Variants in ETV5 observed in about 807,000 individuals in gnomAD.
ETV5 encodes ETS translocation variant 5.
A neutral mutation model predicts 70.0 loss-of-function variants in ETV5; 10 were observed. The observed-to-expected ratio is 0.14, with a 90% CI of 0.09 to 0.24. The LOEUF (loss-of-function observed/expected upper bound fraction) is 0.24. Ranked by LOEUF, ETV5 falls within the 10% of genes least tolerant of loss-of-function variation. The pLI is 1.00. For missense variants in ETV5, 453 were observed against 651.2 expected (o/e 0.70, Z 3.31); for synonymous variants, 216 against 242.2 (o/e 0.89, Z 1.01).
intron 7 of ETV5, among the ~76,000 whole-genome samples, chr3:186,070,850 G>A (rs1011678717): frequency 6.6e-6 from 1 of 152,172 alleles, no homozygotes; most frequent in African/African-American, 2.4e-5. Flanking sequence ...GCACAGCCTG[G>A]TTCCTACCAA....
At chr3:186,069,509 T>G (rs1713544434) in intron 7 of ETV5, among the ~76,000 whole-genome samples, 1 of 150,518 alleles carries the variant, frequency 6.6e-6, no homozygotes. Flanking sequence ...TTGTTTTTTT[T>G]TTTTTTTTTT....
chr3:186,093,167 G>T (rs1714223135), intron 5 of ETV5, among the ~76,000 whole-genome samples: 2 of 152,114 alleles, frequency 1.3e-5, no homozygotes, highest in African/African-American at 4.8e-5. Context: ...GCAGACCCCA[G>T]AACAAAGCCC....
At position 186,052,896 on chromosome 3, in the gene ETV5, C is replaced by T. The variant is rs117156701; in HGVS notation, c.1210-765G>A. ...AGAGTTTACCCAATTATCACGGCAG[C>T]CAAGCAATTTCTGTTCTCAAGTATA... On this transcript the variant is annotated intron_variant, in intron 11 of 12. Transcript: ENST00000306376. This position sits in a 1 kb window ranked among gnomAD's most constrained non-coding sequence, Gnocchi z 4.5. Among the ~76,000 whole-genome samples the T allele has an allele frequency of 1.3e-3, 205 of 152,184 alleles. 3 individuals are homozygous for T. The East Asian group carries it at 0.032, about 24-fold the overall frequency.
Position 186,048,648 on chromosome 3 carries a change from A to G in ETV5, c.1524T>C (p.Phe508=). 6.2e-7 allele frequency: 1 copy of G among 1,614,130 alleles called. No individual in the cohort carries two copies. The highest frequency in any genetic ancestry group is 8.5e-7 in the Non-Finnish European group (1 of 1,179,978). Reference sequence around the variant, plus strand: ...TCCGCCACTCAGAAACTTAGTAAGCAAAGCCTTCGGCATAGGGGAGGCTGC... The same window carrying G: ...TCCGCCACTCAGAAACTTAGTAAGCGAAGCCTTCGGCATAGGGGAGGCTGC... ...RCSSLPYAEG[F]AY is the part of the protein sequence containing the mutation. The change falls in exon 13 of 13, where the codon TTT becomes TTC. Residue 508 remains phenylalanine, a synonymous_variant. Transcript: ENST00000306376.
chr3:186,080,955 GGTAA>G, intron 6 of ETV5, 87 bp downstream of exon 6: 1 of 1,458,038 alleles, frequency 6.9e-7, no homozygotes, highest in Non-Finnish European at 9.2e-7. Context: ...GGGTCTGCTG[GGTAA>G]GTAACACTGG....
At chr3:186,061,017 T>C (rs894666748) in intron 9 of ETV5, among the ~76,000 whole-genome samples, 5 of 152,204 alleles carry the variant, frequency 3.3e-5, no homozygotes, top group African/African-American at 7.2e-5. Context: ...TTTCCAGGGC[T>C]GGACACTTAC....
chr3:186,078,966 C>G lies in ETV5; in HGVS notation c.650+851G>C, dbSNP rs569333958. The stretch of plus-strand genomic sequence containing the variant: ...GGAAAGGTATACTCATATATTCTTC[C>G]CACTCCCGCCCCATTGTGGCCCCCA... On this transcript the variant is annotated intron_variant, in intron 7 of 12. Coordinates refer to ENST00000306376, the MANE Select transcript of ETV5 (RefSeq NM_004454.3). 136 of 744,158 alleles carry G rather than the reference C, an allele frequency of 1.8e-4. No individual in the cohort carries two copies. The African/African-American group carries it at 2.4e-3, about 13-fold the overall frequency. 46.1% of individuals were successfully genotyped at this position (744,158 alleles called of 1,614,324 possible).
In ETV5 at chr3:186,052,345, G is replaced by A. The variant is rs143116782; in HGVS notation, c.1210-214C>T. Among the ~76,000 whole-genome samples, 35 of 152,298 alleles carry A rather than the reference G, an allele frequency of 2.3e-4. No individual in the cohort carries two copies. In the East Asian group the frequency reaches 6.8e-3, roughly 29 times the overall value. On this transcript the variant is annotated intron_variant, in intron 11 of 12. Transcript: ENST00000306376. The surrounding 1 kb of genome is among the most constrained non-coding windows in gnomAD (Gnocchi z 4.5). ...CTACTAGGAGGTGAGACCTAGAGAT[G>A]GAAGAATCCTAGCACTTTAAGATTG... is the stretch of plus-strand genomic sequence containing the variant.
At chr3:186,086,685 G>A (rs1220268350) in intron 5 of ETV5, among the ~76,000 whole-genome samples, 2 of 152,074 alleles carry the variant, frequency 1.3e-5, no homozygotes, top group Non-Finnish European at 2.9e-5. Context: ...GCCAGGCATG[G>A]TGGCTCATGC....
At chr3:186,086,630 A>T (rs1451376318) in intron 5 of ETV5, among the ~76,000 whole-genome samples, 1 of 152,152 alleles carries the variant, frequency 6.6e-6, no homozygotes, top group Non-Finnish European at 1.5e-5. Context: ...ATCATCAAAT[A>T]GCTAGGAAAG....
Position 186,054,758 on chromosome 3 carries a change from G to A in ETV5, c.1209+2317C>T, listed in dbSNP as rs1713116687. On this transcript the variant is annotated intron_variant, in intron 11 of 12. Coordinates refer to ENST00000306376, the MANE Select transcript of ETV5 (RefSeq NM_004454.3). The surrounding 1 kb of genome is among the most constrained non-coding windows in gnomAD (Gnocchi z 4.4). Reference sequence around the variant, plus strand: ...TTCTTACAGCTTTTTCCAGAAGCTGGTATCTTCCTGACATTAACAAGAACA... The same window carrying A: ...TTCTTACAGCTTTTTCCAGAAGCTGATATCTTCCTGACATTAACAAGAACA... 6.6e-6 allele frequency among the ~76,000 whole-genome samples: 1 copy of A among 152,046 alleles called. No homozygotes were observed. Among genetic ancestry groups the A allele is most frequent in the Non-Finnish European group, 1.5e-5 (1 of 68,032 alleles).
intron 9 of ETV5, among the ~76,000 whole-genome samples, chr3:186,059,943 A>G (rs1352773525): frequency 1.3e-5 from 2 of 152,220 alleles, no homozygotes; most frequent in Non-Finnish European, 2.9e-5. Flanking sequence ...TTATTTTCCA[A>G]TTTGGCACTA....
chr3:186,053,856 C>T (rs1213198207), intron 11 of ETV5, among the ~76,000 whole-genome samples: 1 of 152,178 alleles, frequency 6.6e-6, no homozygotes, highest in East Asian at 1.9e-4. Context: ...CATCATTGTA[C>T]CCTGTTCAAA....
At chr3:186,060,916 C>CA (rs1247031751) in intron 9 of ETV5, among the ~76,000 whole-genome samples, 2 of 152,208 alleles carry the variant, frequency 1.3e-5, no homozygotes, top group Non-Finnish European at 2.9e-5. Flanking sequence ...CTGCTGCAGA[C>CA]ATCAACTGCT....
chr3:186,085,806 G>A (rs991009269), intron 5 of ETV5, among the ~76,000 whole-genome samples: 7 of 152,026 alleles, frequency 4.6e-5, no homozygotes, highest in South Asian at 4.2e-4. Context: ...CACCGTACCC[G>A]GCAGCCTTCA....
intron 7 of ETV5, among the ~76,000 whole-genome samples, chr3:186,068,343 A>T (rs1023297930): frequency 1.3e-5 from 2 of 152,354 alleles, no homozygotes; most frequent in African/African-American, 4.8e-5. Flanking sequence ...AGCAAAAATA[A>T]AAGTAGTAGT....
In ETV5 at chr3:186,046,602, A is replaced by G. The variant is rs1460413941; in HGVS notation, c.*2037T>C. On this transcript the variant is annotated 3_prime_UTR_variant, in exon 13 of 13. Coordinates refer to ENST00000306376, the MANE Select transcript of ETV5 (RefSeq NM_004454.3). Reference sequence around the variant, plus strand: ...TGACAGCACAGGTCACGTAAGTTACAGCAGGGGAGGGGTAGCTCAAGCTAC... The same window carrying G: ...TGACAGCACAGGTCACGTAAGTTACGGCAGGGGAGGGGTAGCTCAAGCTAC... 6 of 229,008 alleles carry G rather than the reference A, an allele frequency of 2.6e-5. No individual in the cohort carries two copies. Among genetic ancestry groups the G allele is most frequent in the Middle Eastern group, 1.3e-3 (1 of 784 alleles). 14.2% of individuals were successfully genotyped at this position (229,008 alleles called of 1,614,324 possible).
Position 186,065,952 on chromosome 3 carries a change from C to T in ETV5, c.771G>A (p.Pro257=), listed in dbSNP as rs370362112. 188 of 1,610,756 alleles carry T rather than the reference C, an allele frequency of 1.2e-4. No homozygotes were observed. In the South Asian group the frequency reaches 1.5e-3, roughly 13 times the overall value. ...MSEPIVPAAP[P]PPQGFKQEYH... is the part of the protein sequence containing the mutation. ...ATTCTTGTTTGAATCCCTGAGGGGG[C>T]GGGGGAGCTGCAGGGACAATAGGTT... Residue 257 remains proline (P), a synonymous_variant, in exon 8 of 13, where the codon CCG becomes CCA. Transcript: ENST00000306376.
At position 186,065,256 on chromosome 3, in the gene ETV5, A is replaced by G. The variant is rs147289904; in HGVS notation, c.910+557T>C. Among the ~76,000 whole-genome samples, 17 of 152,324 alleles carry G rather than the reference A, an allele frequency of 1.1e-4. No homozygotes were observed. In the East Asian group the frequency reaches 3.3e-3, roughly 29 times the overall value. ...GGGAGTGGAGTGGGGTGCAAAACCC[A>G]TCAGGACAGATCAAAATGTCAGTCT... On this transcript the variant is annotated intron_variant, in intron 8 of 12. Coordinates refer to ENST00000306376, the MANE Select transcript of ETV5 (RefSeq NM_004454.3).
Sources: allele counts gnomAD v4.1 joint callset (sites outside exome capture counted in the v4.1 genomes callset), GRCh38; gene constraint gnomAD v4.1.1; non-coding constraint Gnocchi (gnomAD v3.1); transcripts MANE v1.5; gene names NCBI Gene and HGNC (gene_info 2026-07-23, HGNC 2026-07-21).